TJP2: variants seen among roughly 807,000 people sequenced by gnomAD.
TJP2 encodes the protein tight junction protein 2.
TJP2 carries 91 observed loss-of-function variants against 133.1 expected under a neutral mutation model. The observed-to-expected ratio is 0.68, with a 90% CI of 0.58 to 0.81. The LOEUF (loss-of-function observed/expected upper bound fraction) is 0.81. TJP2 is among the 40% of genes least tolerant of loss of function. The probability of loss-of-function intolerance (pLI) is 0.00; values close to 1 mark genes in which losing one functional copy is unlikely to be tolerated. For missense variants in TJP2, 1,541 were observed against 1,565.6 expected (o/e 0.98, Z 0.26); for synonymous variants, 592 against 583.4 (o/e 1.01, Z -0.21).
chr9:69,254,131 G>A, intron 22 of TJP2, 78 bp from the exon 23 acceptor site: 2 of 1,529,032 alleles, frequency 1.3e-6, no homozygotes, highest in South Asian at 1.1e-5. Flanking sequence ...CAGTCACTGT[G>A]CTCAGAGCCA....
chr9:69,238,913 C>A, intron 16 of TJP2, 124 bp downstream of exon 16: 1 of 863,764 alleles, frequency 1.2e-6, no homozygotes, highest in Non-Finnish European at 1.9e-6. Flanking sequence ...ATTGGCCGGG[C>A]ACAGTGGCTT....
At chr9:69,129,498 A>T (rs914532684) in intron 1 of TJP2, among the ~76,000 whole-genome samples, 2 of 152,082 alleles carry the variant, frequency 1.3e-5, no homozygotes, top group Non-Finnish European at 2.9e-5. Context: ...CAACAGAACA[A>T]GAACCTGTCG....
rs1237350646 is a variant in TJP2, at chr9:69,174,331, C to T, written c.-42C>T. 1 of 1,550,876 alleles carries T rather than the reference C, an allele frequency of 6.4e-7. No individual in the cohort carries two copies. The highest frequency in any genetic ancestry group is 8.7e-7 in the Non-Finnish European group (1 of 1,146,824). The stretch of plus-strand genomic sequence containing the variant: ...GTAGGAGCAGGAGCAGAAGCAGAAG[C>T]GGGGTCCGGAGCTGCGCGCCTACGC... On this transcript the variant is annotated 5_prime_UTR_variant, in exon 1 of 23. Transcript: ENST00000377245.
intron 1 of TJP2, among the ~76,000 whole-genome samples, chr9:69,207,591 G>A (rs772248032): frequency 3.3e-5 from 5 of 152,214 alleles, no homozygotes; most frequent in African/African-American, 7.2e-5. Context: ...TCACTGGGTC[G>A]TGGAATGTGC....
At chr9:69,220,268 T>C (rs1418266036) in intron 4 of TJP2, among the ~76,000 whole-genome samples, 25 of 152,226 alleles carry the variant, frequency 1.6e-4, no homozygotes. Flanking sequence ...ATTTGTAAAA[T>C]TCAGATGAGA....
At chr9:69,167,880 A>AG (rs1554772984) in intron 2 of TJP2, among the ~76,000 whole-genome samples, 35 of 150,278 alleles carry the variant, frequency 2.3e-4, no homozygotes, top group Non-Finnish European at 3.5e-4. Context: ...AAAAAAAAAA[A>AG]AAGAAGAAGA....
intron 1 of TJP2, among the ~76,000 whole-genome samples, chr9:69,202,577 A>G (rs1455673670): frequency 6.6e-6 from 1 of 152,260 alleles, no homozygotes; most frequent in African/African-American, 2.4e-5. Context: ...CGCATTTTAT[A>G]TGCTATATGT....
intron 2 of TJP2, among the ~76,000 whole-genome samples, chr9:69,152,971 C>A (rs1375138854): frequency 6.6e-6 from 1 of 151,250 alleles, no homozygotes; most frequent in African/African-American, 2.4e-5. Context: ...TACCTATAAT[C>A]CCACTGTTTT....
intron 1 of TJP2, among the ~76,000 whole-genome samples, chr9:69,188,761 A>T (rs1564417469): frequency 6.6e-6 from 1 of 152,180 alleles, no homozygotes; most frequent in African/African-American, 2.4e-5. Context: ...CAACTTTATT[A>T]TAGAAATATT....
At chr9:69,160,402 G>A (rs1244318443) in intron 2 of TJP2, among the ~76,000 whole-genome samples, 6 of 152,160 alleles carry the variant, frequency 3.9e-5, no homozygotes, top group African/African-American at 1.4e-4. Flanking sequence ...TCCTAGATTA[G>A]CAAAGAATTT....
intron 1 of TJP2, among the ~76,000 whole-genome samples, chr9:69,149,799 G>C (rs1415718691): frequency 1.3e-5 from 2 of 152,092 alleles, no homozygotes; most frequent in Non-Finnish European, 2.9e-5. Flanking sequence ...TTGGTCTTAG[G>C]GGTAAAACGA....
chr9:69,195,781 C>G (rs565147783), intron 1 of TJP2, among the ~76,000 whole-genome samples: 3 of 152,152 alleles, frequency 2.0e-5, no homozygotes, highest in Non-Finnish European at 4.4e-5. Context: ...AAATCCGACT[C>G]GACTCCCTTT....
chr9:69,209,955 G>A (rs567566723), intron 1 of TJP2, among the ~76,000 whole-genome samples: 1 of 152,160 alleles, frequency 6.6e-6, no homozygotes, highest in South Asian at 2.1e-4. Context: ...TGCTATCAAA[G>A]AAGCAGAGAG....
At chr9:69,205,795 C>G (rs1032606406) in intron 1 of TJP2, among the ~76,000 whole-genome samples, 2 of 152,158 alleles carry the variant, frequency 1.3e-5, no homozygotes, top group Non-Finnish European at 2.9e-5. Flanking sequence ...CTTTGACCTC[C>G]ATCACTGGGC....
At chr9:69,231,140 C>T (rs7027278) in intron 11 of TJP2, among the ~76,000 whole-genome samples, 12,701 of 151,996 alleles carry the variant, frequency 0.084, 581 homozygotes, top group African/African-American at 0.11. Context: ...TTGACAGTCT[C>T]GCTCTGTCAC....
rs1381055371 is a variant in TJP2 at position 69,220,900 on chromosome 9, C to A, written c.356C>A (p.Pro119His). Reference sequence around the variant, plus strand: ...TTTTGACAACAGGTGGTCAAGAGGCCCCGGAAGGTCCAGGTGGCCGCACTT... The same window carrying A: ...TTTTGACAACAGGTGGTCAAGAGGCACCGGAAGGTCCAGGTGGCCGCACTT... ...GKVAAIVVKR[P>H]RKVQVAALQA... The change falls in exon 5 of 23, where the codon CCC (proline) becomes CAC (histidine). Residue 119 changes from proline to histidine, a missense_variant. Physicochemically the swap from Pro to His is moderately conservative, Grantham distance 77 (BLOSUM62 -2). Coordinates refer to ENST00000377245, the MANE Select transcript of TJP2 (RefSeq NM_004817.4). The A allele has an allele frequency of 1.2e-6, 2 of 1,612,176 alleles. No homozygotes were observed. The highest frequency in any genetic ancestry group is 1.7e-6 in the Non-Finnish European group (2 of 1,180,036).
intron 1 of TJP2, among the ~76,000 whole-genome samples, chr9:69,189,907 A>T (rs1826099008): frequency 9.0e-6 from 1 of 110,754 alleles, no homozygotes; most frequent in African/African-American, 3.4e-5. Flanking sequence ...GGAGATCGAG[A>T]TCATCCTGGC....
intron 1 of TJP2, among the ~76,000 whole-genome samples, chr9:69,174,913 T>TG (rs1824959967): frequency 2.4e-5 from 1 of 41,824 alleles, no homozygotes; most frequent in African/African-American, 9.9e-5. Flanking sequence ...AAAGTTGTTT[T>TG]TTTTTTTTTT....
chr9:69,252,913 T>C lies in TJP2; in HGVS notation c.3407+13T>C. On this transcript the variant is annotated intron_variant, in intron 22 of 22. Coordinates refer to ENST00000377245, the MANE Select transcript of TJP2 (RefSeq NM_004817.4). ...CCCAGCACACGAGGTAAGGGCTGCC[T>C]AGTGGGTACAGGTCTAAGGCGGGGA... 1 of 1,613,622 alleles carries C rather than the reference T, an allele frequency of 6.2e-7. No homozygotes were observed. The highest frequency in any genetic ancestry group is 8.5e-7 in the Non-Finnish European group (1 of 1,179,542).
Sources: allele counts gnomAD v4.1 joint callset (sites outside exome capture counted in the v4.1 genomes callset), GRCh38; gene constraint gnomAD v4.1.1; transcripts MANE v1.5; gene names NCBI Gene and HGNC (gene_info 2026-07-23, HGNC 2026-07-21).